Variants in R3HDM1 observed in about 807,000 individuals in gnomAD.
R3HDM1 encodes R3H domain containing 1.
Under a neutral mutation model 141.1 loss-of-function variants are expected in R3HDM1, and 46 were observed. The ratio of observed to expected loss-of-function variants is 0.33; its 90% CI spans 0.26 to 0.42. The LOEUF (loss-of-function observed/expected upper bound fraction) is 0.42. Ranked by LOEUF, R3HDM1 falls within the 10% of genes least tolerant of loss-of-function variation. The pLI is 1.00. For missense variants in R3HDM1, 1,184 were observed against 1,368.3 expected, an observed-to-expected ratio of 0.87 and a Z score of 2.12; for synonymous variants, 435 against 472.9, an observed-to-expected ratio of 0.92 and a Z score of 1.04.
intron 1 of R3HDM1, among the ~76,000 whole-genome samples, chr2:135,585,721 A>G (rs1387425847): frequency 1.3e-5 from 2 of 152,208 alleles, no homozygotes; most frequent in South Asian, 2.1e-4. Context: ...TTGAGCTAAT[A>G]TAGCCAACAA....
At chr2:135,584,769 G>A (rs1181130038) in intron 1 of R3HDM1, among the ~76,000 whole-genome samples, 1 of 152,168 alleles carries the variant, frequency 6.6e-6, no homozygotes, top group African/African-American at 2.4e-5. Flanking sequence ...TGGAGAGAGA[G>A]AGAATCTTTT....
intron 21 of R3HDM1, among the ~76,000 whole-genome samples, chr2:135,694,547 A>ATATTGGACATGGGAC (rs2072945427): frequency 6.6e-6 from 1 of 152,202 alleles, no homozygotes; most frequent in Non-Finnish European, 1.5e-5. Flanking sequence ...TAGTTTCTAG[A>ATATTGGACATGGGAC]TATTGGACAT....
intron 15 of R3HDM1, 136 bp from the exon 16 acceptor site, chr2:135,645,243 C>G (rs1385193026): frequency 1.4e-6 from 1 of 731,488 alleles, no homozygotes; most frequent in Non-Finnish European, 2.2e-6. Flanking sequence ...CTAAGGAAAT[C>G]TTTGTTTTCA....
intron 21 of R3HDM1, among the ~76,000 whole-genome samples, chr2:135,685,268 C>G (rs369622398): frequency 6.6e-6 from 1 of 152,100 alleles, no homozygotes; most frequent in African/African-American, 2.4e-5. Flanking sequence ...CTAGTTAACC[C>G]GTGTTTCTCT....
In R3HDM1 at chr2:135,604,293, A is replaced by T. The variant is rs138121306; in HGVS notation, c.-40-513A>T. Among the ~76,000 whole-genome samples the T allele has an allele frequency of 3.6e-3, 546 of 152,362 alleles. 6 individuals carry two copies. In the Middle Eastern group the frequency reaches 0.048, roughly 13 times the overall value. The stretch of plus-strand genomic sequence containing the variant: ...TAGGAATCCAGATGAAAAAGCTATT[A>T]TAGGTATCCCTTTGGAGAAAAAGAT... On this transcript the variant is annotated intron_variant, in intron 2 of 26. Coordinates refer to ENST00000683871, the MANE Select transcript of R3HDM1 (RefSeq NM_001378107.1).
At chr2:135,605,987 A>G (rs1024133533) in intron 3 of R3HDM1, 1 of 150,270 alleles carries the variant, frequency 6.7e-6, no homozygotes, top group Non-Finnish European at 1.5e-5. Flanking sequence ...CCTGGCCCAC[A>G]ATTTTTTTTT....
chr2:135,696,855 A>C (rs1424301491), intron 21 of R3HDM1, among the ~76,000 whole-genome samples: 1 of 152,192 alleles, frequency 6.6e-6, no homozygotes, highest in Non-Finnish European at 1.5e-5. Flanking sequence ...CTGTAAAACT[A>C]ACAAATTATT....
chr2:135,718,507 CTG>C (rs144972311), intron 24 of R3HDM1, among the ~76,000 whole-genome samples: 6,082 of 152,080 alleles, frequency 0.04, 419 homozygotes, highest in African/African-American at 0.14. Flanking sequence ...TTTTGAGACA[CTG>C]TCTTATTCCA....
At chr2:135,697,095 T>C (rs957069888) in intron 21 of R3HDM1, among the ~76,000 whole-genome samples, 2 of 152,188 alleles carry the variant, frequency 1.3e-5, no homozygotes, top group Non-Finnish European at 2.9e-5. Flanking sequence ...CAAATACCTA[T>C]GTTGCACCAG....
intron 1 of R3HDM1, chr2:135,568,714 T>G (rs1703373784): frequency 6.6e-6 from 1 of 152,228 alleles, no homozygotes; most frequent in African/African-American, 2.4e-5. Flanking sequence ...CAATACTTTT[T>G]TAAAAGAAAC....
chr2:135,623,363 C>A (rs1035612528), intron 7 of R3HDM1, among the ~76,000 whole-genome samples: 1 of 152,112 alleles, frequency 6.6e-6, no homozygotes, highest in Admixed American at 6.5e-5. Context: ...TAGATGTTAG[C>A]TTTCCAGAGT....
At chr2:135,592,366 A>T (rs184463545) in intron 1 of R3HDM1, among the ~76,000 whole-genome samples, 1 of 152,312 alleles carries the variant, frequency 6.6e-6, no homozygotes, top group East Asian at 1.9e-4. Flanking sequence ...GGTGTACCCT[A>T]TGTGGGAAGT....
chr2:135,655,801 T>C (rs1441248830), intron 18 of R3HDM1, among the ~76,000 whole-genome samples: 1 of 152,160 alleles, frequency 6.6e-6, no homozygotes, highest in Non-Finnish European at 1.5e-5. Flanking sequence ...GCCTACTCTG[T>C]TCTTTTTCAA....
chr2:135,539,628 A>G (rs1697033983), intron 1 of R3HDM1, among the ~76,000 whole-genome samples: 1 of 152,166 alleles, frequency 6.6e-6, no homozygotes, highest in Non-Finnish European at 1.5e-5. Flanking sequence ...ACCCTGGTGC[A>G]TTTAAAAGTT....
At chr2:135,659,712 A>T (rs1424548245) in intron 18 of R3HDM1, among the ~76,000 whole-genome samples, 1 of 152,234 alleles carries the variant, frequency 6.6e-6, no homozygotes, top group African/African-American at 2.4e-5. Flanking sequence ...TGCTGGGAGT[A>T]CAGGCGTCAG....
chr2:135,701,506 T>G, intron 21 of R3HDM1, among the ~76,000 whole-genome samples: 1 of 151,366 alleles, frequency 6.6e-6, no homozygotes. Flanking sequence ...TGAAGTGAGG[T>G]GAGGTGAATG....
At chr2:135,545,190 A>G (rs1573615461) in intron 1 of R3HDM1, among the ~76,000 whole-genome samples, 1 of 152,334 alleles carries the variant, frequency 6.6e-6, no homozygotes, top group African/African-American at 2.4e-5. Flanking sequence ...CCAGGACGTT[A>G]TGGATTCACT....
chr2:135,677,347 A>T (rs1559410551), intron 20 of R3HDM1, among the ~76,000 whole-genome samples: 3 of 152,084 alleles, frequency 2.0e-5, no homozygotes, highest in Admixed American at 2.0e-4. Flanking sequence ...TCCATCCTTG[A>T]GCCTAGGCAC....
intron 1 of R3HDM1, among the ~76,000 whole-genome samples, chr2:135,540,420 A>G (rs753355934): frequency 1.3e-5 from 2 of 152,220 alleles, no homozygotes; most frequent in African/African-American, 2.4e-5. Context: ...ACCTCCTCCC[A>G]TGAATCACAA....
Sources: gnomAD v4.1 joint callset for allele counts (sites outside exome capture counted in the v4.1 genomes callset) on GRCh38, gnomAD v4.1.1 for gene constraint, MANE v1.5 for transcripts, NCBI Gene and HGNC (gene_info 2026-07-23, HGNC 2026-07-21) for gene names.